Variants in CLPTM1 observed in about 807,000 individuals in gnomAD.
CLPTM1 encodes the protein putative lipid scramblase CLPTM1.
Under a neutral mutation model 77.3 loss-of-function variants are expected in CLPTM1, and 21 were observed. The ratio of observed to expected loss-of-function variants is 0.27; its 90% confidence interval spans 0.19 to 0.39. The LOEUF (loss-of-function observed/expected upper bound fraction) is 0.39, where lower values mean the gene tolerates loss of function less well. CLPTM1 is among the 10% of genes least tolerant of loss of function. The pLI is 1.00. For synonymous variants in CLPTM1, 373 were observed against 381.0 expected, an observed-to-expected ratio of 0.98 and a Z score of 0.24; for missense variants, 642 against 921.2, an observed-to-expected ratio of 0.70 and a Z score of 3.92.
intron 1 of CLPTM1, among the ~76,000 whole-genome samples, chr19:44,960,885 G>C (rs1315061788): frequency 6.7e-6 from 1 of 148,406 alleles, no homozygotes; most frequent in Non-Finnish European, 1.5e-5. Flanking sequence ...CTTGAAGGCT[G>C]ATGGCTGAGG....
rs1010726608 is a variant in CLPTM1 at position 44,991,835 on chromosome 19, G to A, written c.1556-398G>A. Among the ~76,000 whole-genome samples, 1 of 152,054 alleles carries A rather than the reference G, an allele frequency of 6.6e-6. No homozygotes were observed. The highest frequency in any genetic ancestry group is 1.5e-5 in the Non-Finnish European group (1 of 68,002). On this transcript the variant is annotated intron_variant, in intron 12 of 13. Coordinates refer to ENST00000337392, the MANE Select transcript of CLPTM1 (RefSeq NM_001294.4). This position sits in a 1 kb window ranked among gnomAD's most constrained non-coding sequence, Gnocchi z 5.4. Reference sequence around the variant, plus strand: ...TGGGAGGATCCCTTGAGTCCAGGAGGTTGAAGCTGCAGTGAGCCATGATTA... The same window carrying A: ...TGGGAGGATCCCTTGAGTCCAGGAGATTGAAGCTGCAGTGAGCCATGATTA...
intron 5 of CLPTM1, 131 bp downstream of exon 5, chr19:44,977,591 A>G: frequency 1.3e-6 from 1 of 742,220 alleles, no homozygotes; most frequent in South Asian, 1.6e-5. Context: ...AGAGGGTGGG[A>G]TTGGCAGGGC....
chr19:44,962,253 A>G (rs1970556464), intron 2 of CLPTM1, among the ~76,000 whole-genome samples, 178 bp downstream of exon 2: 1 of 151,884 alleles, frequency 6.6e-6, no homozygotes, highest in Non-Finnish European at 1.5e-5. Flanking sequence ...CTCTGGTAAA[A>G]CATACTGAAG....
Position 44,985,153 on chromosome 19 carries a change from G to C in CLPTM1, c.587-65G>C. The C allele has an allele frequency of 2.5e-6, 3 of 1,195,318 alleles. No individual in the cohort carries two copies. The Admixed American group carries it at 5.3e-5, about 21-fold the overall frequency. 74.0% of individuals were successfully genotyped at this position (1,195,318 alleles called of 1,614,324 possible). ...AGCCGTTGCTGGTGGGCAGGGGTCCGGGCTCTGGAGGCTGCAGGTGCCAGC... is the reference window on the plus strand; with the variant it reads ...AGCCGTTGCTGGTGGGCAGGGGTCCCGGCTCTGGAGGCTGCAGGTGCCAGC... On this transcript the variant is annotated intron_variant, in intron 5 of 13. Coordinates refer to ENST00000337392, the MANE Select transcript of CLPTM1 (RefSeq NM_001294.4).
chr19:44,990,304 T>G lies in CLPTM1; in HGVS notation c.1133-91T>G. The G allele has an allele frequency of 7.3e-7, 1 of 1,369,740 alleles. No individual in the cohort carries two copies. Among genetic ancestry groups the G allele is most frequent in the Non-Finnish European group, 1.0e-6 (1 of 986,986 alleles). 84.8% of individuals were successfully genotyped at this position (1,369,740 alleles called of 1,614,324 possible). The stretch of plus-strand genomic sequence containing the variant: ...GAGGACCCAGCCCCACCCCAGGGTG[T>G]GAGGATGCAGGCCAAGGGGGCCTGA... On this transcript the variant is annotated intron_variant, in intron 9 of 13. Transcript: ENST00000337392. This position sits in a 1 kb window ranked among gnomAD's most constrained non-coding sequence, Gnocchi z 4.8.
chr19:44,992,657 C>T lies in CLPTM1; in HGVS notation c.1770C>T (p.Val590=), dbSNP rs144871053. 301 of 1,613,960 alleles carry T rather than the reference C, an allele frequency of 1.9e-4. 1 individual carries two copies. In the African/African-American group the frequency reaches 3.4e-3, roughly 18 times the overall value. ...IYLYQRWIYR[V]DPTRVNEFGM... is the part of the protein sequence containing the mutation. Reference sequence around the variant, plus strand: ...TCTACCAACGGTGGATCTACCGCGTCGACCCCACCCGAGTCAACGAGTTTG... The same window carrying T: ...TCTACCAACGGTGGATCTACCGCGTTGACCCCACCCGAGTCAACGAGTTTG... The change falls in exon 14 of 14, where the codon GTC becomes GTT. Residue 590 remains valine (V), a synonymous_variant. Coordinates refer to ENST00000337392, the MANE Select transcript of CLPTM1 (RefSeq NM_001294.4). The surrounding 1 kb of genome is among the most constrained non-coding windows in gnomAD (Gnocchi z 7.7).
In CLPTM1 at chr19:44,991,014, G is replaced by T; in HGVS notation, c.1419+69G>T. ...ACCACGTATCCCTGAGGCACCCGGG[G>T]CCGGCCATCTGTCTGCCGGACCCAT... On this transcript the variant is annotated intron_variant, in intron 11 of 13. Coordinates refer to ENST00000337392, the MANE Select transcript of CLPTM1 (RefSeq NM_001294.4). This position sits in a 1 kb window ranked among gnomAD's most constrained non-coding sequence, Gnocchi z 5.4. 1 of 1,384,904 alleles carries T rather than the reference G, an allele frequency of 7.2e-7. No individual in the cohort carries two copies. The highest frequency in any genetic ancestry group is 1.0e-6 in the Non-Finnish European group (1 of 982,072). The allele number at this position is 1,384,904 out of a possible 1,614,324, so 85.8% of individuals were successfully genotyped here.
chr19:44,970,167 A>G (rs1200318924), intron 2 of CLPTM1, among the ~76,000 whole-genome samples: 3 of 147,576 alleles, frequency 2.0e-5, no homozygotes, highest in Non-Finnish European at 3.0e-5. Flanking sequence ...GGGCATTACC[A>G]AGTCCTAGGT....
At chr19:44,977,546 A>C in intron 5 of CLPTM1, 86 bp downstream of exon 5, 2 of 1,047,702 alleles carry the variant, frequency 1.9e-6, no homozygotes, top group Non-Finnish European at 2.9e-6. Context: ...GACAAATCCC[A>C]AGTCCAGGAG....
At chr19:44,962,149 G>A (rs1240245613) in intron 2 of CLPTM1, 74 bp downstream of exon 2, 4 of 890,098 alleles carry the variant, frequency 4.5e-6, no homozygotes, top group Non-Finnish European at 6.9e-6. Flanking sequence ...AAAGTCAGCT[G>A]ATCAGCTGAG....
chr19:44,977,608 A>T, intron 5 of CLPTM1, 148 bp downstream of exon 5: 1 of 680,228 alleles, frequency 1.5e-6, no homozygotes, highest in South Asian at 1.7e-5. Flanking sequence ...GGGCAGGCTC[A>T]AGCCCCACCC....
chr19:44,992,535 C>T lies in CLPTM1; in HGVS notation c.1724-76C>T, dbSNP rs1336405042. The stretch of plus-strand genomic sequence containing the variant: ...AGGGGGCTCGGCCCCGCCCTTGCAT[C>T]ACGCCCTCTCCACCCAGGCCCACCT... On this transcript the variant is annotated intron_variant, in intron 13 of 13. Transcript: ENST00000337392. The surrounding 1 kb of genome is among the most constrained non-coding windows in gnomAD (Gnocchi z 7.7). The T allele has an allele frequency of 2.5e-6, 4 of 1,597,768 alleles. No individual in the cohort carries two copies. Among genetic ancestry groups the T allele is most frequent in the South Asian group, 2.2e-5 (2 of 90,108 alleles).
intron 5 of CLPTM1, among the ~76,000 whole-genome samples, chr19:44,981,395 C>T (rs1970895213): frequency 6.6e-6 from 1 of 151,422 alleles, no homozygotes; most frequent in Non-Finnish European, 1.5e-5. Context: ...CCTGCCTTGG[C>T]CTCCCAAAGT....
chr19:44,992,841 G>A lies in CLPTM1; in HGVS notation c.1954G>A (p.Ala652Thr). ...CAAGCCCACCCAGGGGGCCAGCTCTGCCAGCGAGCCCCAGGAAGCCCCTCC... is the reference window on the plus strand; with the variant it reads ...CAAGCCCACCCAGGGGGCCAGCTCTACCAGCGAGCCCCAGGAAGCCCCTCC... ...PTKPTQGASS[A>T]SEPQEAPPKP... is the part of the protein sequence containing the mutation. Residue 652 changes from alanine (A) to threonine (T), a missense_variant, in exon 14 of 14, where the codon GCC (alanine) becomes ACC (threonine). Physicochemically the swap from Ala to Thr is moderately conservative, Grantham distance 58 (BLOSUM62 0). This residue lies in a region of CLPTM1 where 521 missense variants were observed against 800.4 expected (regional missense o/e 0.65). Coordinates refer to ENST00000337392, the MANE Select transcript of CLPTM1 (RefSeq NM_001294.4). The surrounding 1 kb of genome is among the most constrained non-coding windows in gnomAD (Gnocchi z 7.7). 6.2e-7 allele frequency: 1 copy of A among 1,613,752 alleles called. No individual in the cohort carries two copies. The highest frequency in any genetic ancestry group is 8.5e-7 in the Non-Finnish European group (1 of 1,179,896).
upstream of CLPTM1, chr19:44,954,843 C>T: frequency 5.0e-6 from 6 of 1,193,762 alleles, no homozygotes; most frequent in Non-Finnish European, 6.8e-6. Context: ...AGGATATGAG[C>T]TCAGGAGACT....
At chr19:44,955,225 G>A, upstream of CLPTM1, 19 of 1,517,432 alleles carry the variant, frequency 1.3e-5, no homozygotes, top group South Asian at 1.2e-5. Flanking sequence ...ACGGTGGCCA[G>A]GTTGGTCCTT....
At chr19:44,961,618 C>G (rs901034429) in intron 1 of CLPTM1, among the ~76,000 whole-genome samples, 1 of 152,118 alleles carries the variant, frequency 6.6e-6, no homozygotes, top group African/African-American at 2.4e-5. Flanking sequence ...GCCCCGAACC[C>G]TAGACTGGAC....
intron 2 of CLPTM1, among the ~76,000 whole-genome samples, chr19:44,964,837 C>G (rs1223751859): frequency 6.6e-6 from 1 of 152,174 alleles, no homozygotes; most frequent in South Asian, 2.1e-4. Flanking sequence ...TGGAATCAGA[C>G]AGCATTTGTC....
chr19:44,958,078 A>T (rs889098948), intron 1 of CLPTM1, among the ~76,000 whole-genome samples: 1 of 152,160 alleles, frequency 6.6e-6, no homozygotes, highest in Admixed American at 6.6e-5. Context: ...GGGTGGGTAG[A>T]AGAGTTGCAA....
Sources: gnomAD v4.1 joint callset for allele counts (sites outside exome capture counted in the v4.1 genomes callset) on GRCh38, gnomAD v4.1.1 for gene constraint, gnomAD v4.1.1 regional missense constraint, Gnocchi (gnomAD v3.1) non-coding constraint, MANE v1.5 for transcripts, NCBI Gene and HGNC (gene_info 2026-07-23, HGNC 2026-07-21) for gene names.